NTRK3: variants seen among roughly 807,000 people sequenced by gnomAD.
The protein encoded by NTRK3 is neurotrophic receptor tyrosine kinase 3.
A neutral mutation model predicts 91.7 loss-of-function variants in NTRK3; 24 were observed. The observed-to-expected ratio is 0.26, with a 90% CI of 0.19 to 0.37. NTRK3 has a LOEUF of 0.37. Ranked by LOEUF, NTRK3 falls within the 10% of genes least tolerant of loss-of-function variation. NTRK3 has a pLI of 1.00. For missense variants in NTRK3, 880 were observed against 1,068.9 expected, an observed-to-expected ratio of 0.82 and a Z score of 2.46; for synonymous variants, 483 against 404.0, an observed-to-expected ratio of 1.20 and a Z score of -2.34.
At chr15:88,137,908 G>A (rs561905688) in intron 6 of NTRK3, among the ~76,000 whole-genome samples, 87 of 152,092 alleles carry the variant, frequency 5.7e-4, no homozygotes, top group South Asian at 3.3e-3. Context: ...AAAATTAGCC[G>A]TGCGTGGTGG....
Position 88,087,062 on chromosome 15 carries a change from C to A in NTRK3, c.1396+39209G>T, listed in dbSNP as rs139335348. Among the ~76,000 whole-genome samples, 161 of 152,352 alleles carry A rather than the reference C, an allele frequency of 1.1e-3. 2 individuals carry two copies. The highest frequency in any genetic ancestry group is 3.5e-3 in the African/African-American group (145 of 41,580). Reference sequence around the variant, plus strand: ...GAGAGGTTTCCAGCAGTGGAACACACACACAACCTAAAATCATTTTGCTCA... The same window carrying A: ...GAGAGGTTTCCAGCAGTGGAACACAAACACAACCTAAAATCATTTTGCTCA... On this transcript the variant is annotated intron_variant, in intron 13 of 18. Coordinates refer to ENST00000394480, the Ensembl canonical transcript of NTRK3.
At chr15:88,002,885 G>A (rs144937081) in intron 14 of NTRK3, among the ~76,000 whole-genome samples, 175 of 152,208 alleles carry the variant, frequency 1.1e-3, no homozygotes, top group African/African-American at 3.6e-3. Flanking sequence ...GAGGAAGGAA[G>A]CCTGGGGAGT....
chr15:87,916,557 C>A (rs905494924), intron 17 of NTRK3: 35 of 702,226 alleles, frequency 5.0e-5, no homozygotes, highest in Non-Finnish European at 8.6e-5. Flanking sequence ...CATGCCTGCA[C>A]AACCTTCAAT....
intron 13 of NTRK3, among the ~76,000 whole-genome samples, chr15:88,111,896 T>G (rs113929844): frequency 1.0e-3 from 117 of 112,280 alleles, no homozygotes; most frequent in Middle Eastern, 4.4e-3. Context: ...TTCTGGTTTT[T>G]TTTTTGTTTT....
At chr15:88,036,422 T>TA (rs35431872) in intron 13 of NTRK3, among the ~76,000 whole-genome samples, 87 of 142,220 alleles carry the variant, frequency 6.1e-4, no homozygotes, top group African/African-American at 1.4e-3. Context: ...AATCTACACC[T>TA]AAAAAAAAAA....
At chr15:87,918,212 T>C (rs778454507) in intron 17 of NTRK3, among the ~76,000 whole-genome samples, 33 of 152,196 alleles carry the variant, frequency 2.2e-4, no homozygotes, top group Non-Finnish European at 4.6e-4. Flanking sequence ...TTTATGGTCT[T>C]AGTTTCCAGC....
chr15:88,245,307 C>T lies in NTRK3; in HGVS notation c.248+10599G>A, dbSNP rs572673500. On this transcript the variant is annotated intron_variant, in intron 3 of 18. Transcript: ENST00000394480. ...ACATGCCAGGCACCTACCATAATCT[C>T]ATTCAACCCTCACAACCTCTCTATT... 2.5e-4 allele frequency among the ~76,000 whole-genome samples: 38 copies of T among 152,336 alleles called. No homozygotes were observed. In the South Asian group the frequency reaches 7.7e-3, roughly 31 times the overall value.
intron 13 of NTRK3, among the ~76,000 whole-genome samples, chr15:88,041,272 C>T (rs944624545): frequency 2.6e-5 from 4 of 152,166 alleles, no homozygotes; most frequent in African/African-American, 9.7e-5. Flanking sequence ...ACTCCAGAAT[C>T]GATTCCTGTA....
At chr15:88,059,901 A>T (rs1388445811) in intron 13 of NTRK3, among the ~76,000 whole-genome samples, 1 of 152,238 alleles carries the variant, frequency 6.6e-6, no homozygotes, top group Non-Finnish European at 1.5e-5. Flanking sequence ...AGGACTAGAC[A>T]GACACAAAGG....
At chr15:88,010,925 C>T (rs775340846) in intron 14 of NTRK3, among the ~76,000 whole-genome samples, 1 of 152,130 alleles carries the variant, frequency 6.6e-6, no homozygotes, top group Non-Finnish European at 1.5e-5. Context: ...AATTCACTCC[C>T]TACATGAATG....
rs1444056699 is a variant in NTRK3, at chr15:88,254,626, G to A, written c.248+1280C>T. ...TTCCTCCAGGCTTTGCAGCCCCATG[G>A]CCCTGGGCTGAAGCAAGGGGAGGTG... On this transcript the variant is annotated intron_variant, in intron 3 of 18. Transcript: ENST00000394480. Among the ~76,000 whole-genome samples the A allele has an allele frequency of 2.0e-5, 3 of 152,164 alleles. No homozygotes were observed. In the East Asian group the frequency reaches 5.8e-4, roughly 29 times the overall value.
At position 88,186,762 on chromosome 15, in the gene NTRK3, G is replaced by A. The variant is rs114920173; in HGVS notation, c.249-2463C>T. 8.7e-3 allele frequency among the ~76,000 whole-genome samples: 1,332 copies of A among 152,242 alleles called. 21 individuals carry two copies. The highest frequency in any genetic ancestry group is 0.03 in the African/African-American group (1,266 of 41,542). On this transcript the variant is annotated intron_variant, in intron 3 of 18. Transcript: ENST00000394480. Reference sequence around the variant, plus strand: ...CTCTTCAAGCTACAATAACAGAGCTGAATAGTTGCTACAGAGGCCATATGG... The same window carrying A: ...CTCTTCAAGCTACAATAACAGAGCTAAATAGTTGCTACAGAGGCCATATGG...
intron 5 of NTRK3, among the ~76,000 whole-genome samples, chr15:88,154,577 C>T (rs955583863): frequency 3.3e-5 from 5 of 152,182 alleles, no homozygotes; most frequent in African/African-American, 1.2e-4. Context: ...CACTGGATGG[C>T]TCATTTAATG....
chr15:88,234,544 G>A lies in NTRK3; in HGVS notation c.248+21362C>T, dbSNP rs186174297. On this transcript the variant is annotated intron_variant, in intron 3 of 18. Coordinates refer to ENST00000394480, the Ensembl canonical transcript of NTRK3. The surrounding 1 kb of genome is among the most constrained non-coding windows in gnomAD (Gnocchi z 6.1). ...CCCTCCTCTAGACTAGCTCTCCATC[G>A]CCTCTGCCCTCGCCATGTTGCTAGT... Among the ~76,000 whole-genome samples the A allele has an allele frequency of 1.1e-3, 168 of 152,096 alleles. No homozygotes were observed. Among genetic ancestry groups the A allele is most frequent in the African/African-American group, 3.8e-3 (158 of 41,494 alleles).
chr15:88,252,710 G>T (rs774383943), intron 3 of NTRK3: 1 of 152,236 alleles, frequency 6.6e-6, no homozygotes, highest in Non-Finnish European at 1.5e-5. Context: ...ACCCTTCCAG[G>T]CTCCATGAGG....
chr15:87,983,267 G>A (rs909374510), intron 14 of NTRK3, among the ~76,000 whole-genome samples: 2 of 152,198 alleles, frequency 1.3e-5, no homozygotes, highest in Non-Finnish European at 2.9e-5. Context: ...GCCCTGGGTG[G>A]TAGACTAACA....
chr15:87,860,171 T>C (rs550651372), exon 19 of NTRK3: 1 of 222,932 alleles, frequency 4.5e-6, no homozygotes, highest in South Asian at 1.8e-4. Context: ...TAGATTCCGA[T>C]GAAGACACAT....
chr15:88,130,439 G>A (rs1315539837), intron 10 of NTRK3, among the ~76,000 whole-genome samples: 1 of 152,164 alleles, frequency 6.6e-6, no homozygotes, highest in African/African-American at 2.4e-5. Context: ...TATTTATGTA[G>A]TTTAAAAATA....
At chr15:88,118,406 A>G (rs1200280104) in intron 13 of NTRK3, among the ~76,000 whole-genome samples, 1 of 152,146 alleles carries the variant, frequency 6.6e-6, no homozygotes. Flanking sequence ...AGCAGTTTCC[A>G]CAACTTGACT....
Sources: gnomAD v4.1 joint callset for allele counts (sites outside exome capture counted in the v4.1 genomes callset) on GRCh38, gnomAD v4.1.1 for gene constraint, Gnocchi (gnomAD v3.1) non-coding constraint, MANE v1.5 for transcripts, NCBI Gene and HGNC (gene_info 2026-07-23, HGNC 2026-07-21) for gene names.